The following ROBO2 variants were observed in gnomAD, a reference collection of about 807,000 sequenced individuals.
ROBO2 encodes roundabout homolog 2.
A neutral mutation model predicts 160.8 loss-of-function variants in ROBO2; 53 were observed. The ratio of observed to expected loss-of-function variants is 0.33; its 90% CI spans 0.26 to 0.41. The LOEUF is 0.41. Among genes scored for constraint, ROBO2 ranks in the 10% least tolerant of loss-of-function variants. The probability of loss-of-function intolerance (pLI) is 1.00; values close to 1 mark genes in which losing one functional copy is unlikely to be tolerated. For synonymous variants in ROBO2, 664 were observed against 611.7 expected, an observed-to-expected ratio of 1.09 and a Z score of -1.26; for missense variants, 1,577 against 1,722.4, an observed-to-expected ratio of 0.92 and a Z score of 1.49.
At chr3:77,081,096 T>A (rs1356077826) in intron 1 of ROBO2, among the ~76,000 whole-genome samples, 1 of 152,204 alleles carries the variant, frequency 6.6e-6, no homozygotes, top group African/African-American at 2.4e-5. Flanking sequence ...TGGGCTAGTT[T>A]ATTAGATTAT....
chr3:76,680,802 G>T (rs1295392736), intron 2 of ROBO2, among the ~76,000 whole-genome samples: 1 of 151,826 alleles, frequency 6.6e-6, no homozygotes, highest in South Asian at 2.1e-4. Context: ...TTGAGACAGG[G>T]TCTCACTCTT....
chr3:76,472,212 G>A (rs1220950123), intron 2 of ROBO2, among the ~76,000 whole-genome samples: 2 of 151,882 alleles, frequency 1.3e-5, no homozygotes, highest in Non-Finnish European at 2.9e-5. Context: ...AAATGAAAAT[G>A]ATCATTTCCT....
chr3:76,876,893 G>C (rs2072792388), intron 2 of ROBO2, among the ~76,000 whole-genome samples: 1 of 152,022 alleles, frequency 6.6e-6, no homozygotes, highest in Non-Finnish European at 1.5e-5. Flanking sequence ...CTATTGCTCT[G>C]CCATAATCAA....
chr3:77,555,090 C>T (rs2093062906), intron 8 of ROBO2, among the ~76,000 whole-genome samples: 1 of 151,922 alleles, frequency 6.6e-6, no homozygotes, highest in African/African-American at 2.4e-5. Context: ...CAAGATCCTC[C>T]ATCACCAAAA....
chr3:76,633,368 A>G (rs2090142037), intron 2 of ROBO2, among the ~76,000 whole-genome samples: 1 of 152,204 alleles, frequency 6.6e-6, no homozygotes, highest in Admixed American at 6.5e-5. Context: ...TTGTGAATGT[A>G]TTGTGAGTCA....
intron 2 of ROBO2, among the ~76,000 whole-genome samples, chr3:76,133,822 G>A (rs927824951): frequency 6.6e-6 from 1 of 152,002 alleles, no homozygotes; most frequent in Non-Finnish European, 1.5e-5. Context: ...ATTAGGCGGT[G>A]CCCACCCAGA....
At chr3:77,510,575 A>G (rs1295003241) in intron 5 of ROBO2, among the ~76,000 whole-genome samples, 1 of 152,224 alleles carries the variant, frequency 6.6e-6, no homozygotes, top group East Asian at 1.9e-4. Flanking sequence ...ATGTTAGGTG[A>G]CATTTATTGA....
chr3:76,233,141 T>C lies in ROBO2; in HGVS notation c.109+295539T>C, dbSNP rs1704723298. ...AAGTTTACTGCCAGGTGTTATTCTA[T>C]TTTTTTTTAATTTTATTTTTCAGGT... On this transcript the variant is annotated intron_variant, in intron 2 of 26. Coordinates refer to the ROBO2 transcript ENST00000487694. 1.3e-5 allele frequency among the ~76,000 whole-genome samples: 2 copies of C among 151,292 alleles called. 1 individual carries two copies. Among genetic ancestry groups the C allele is most frequent in the South Asian group, 4.2e-4 (2 of 4,776 alleles).
intron 2 of ROBO2, among the ~76,000 whole-genome samples, chr3:76,379,344 C>A (rs1201340247): frequency 6.6e-6 from 1 of 151,744 alleles, no homozygotes; most frequent in Non-Finnish European, 1.5e-5. Context: ...TTTATTTTTT[C>A]AATAAAAAAT....
chr3:76,511,021 A>G (rs1029723815), intron 2 of ROBO2, among the ~76,000 whole-genome samples: 1 of 152,226 alleles, frequency 6.6e-6, no homozygotes, highest in African/African-American at 2.4e-5. Context: ...GAATCGGCAA[A>G]GTATTGACAA....
In ROBO2 at chr3:76,930,543, T is replaced by A. The variant is rs547500648; in HGVS notation, c.110-167471T>A. The stretch of plus-strand genomic sequence containing the variant: ...CAGTCTGCATTAGGCAGGGTTCTCC[T>A]GCAAAACAGAACCAAGAGTATATAG... On this transcript the variant is annotated intron_variant, in intron 2 of 26. Coordinates refer to the ROBO2 transcript ENST00000487694. 7.2e-5 allele frequency among the ~76,000 whole-genome samples: 11 copies of A among 152,320 alleles called. No homozygotes were observed. The South Asian group carries it at 2.1e-3, about 29-fold the overall frequency.
intron 2 of ROBO2, among the ~76,000 whole-genome samples, chr3:76,540,237 G>T (rs9848633): frequency 0.022 from 3,400 of 152,280 alleles, 127 homozygotes; most frequent in African/African-American, 0.076. Flanking sequence ...GTGACTACAA[G>T]GGATAAATAA....
chr3:76,410,614 A>C (rs2075436552), intron 2 of ROBO2, among the ~76,000 whole-genome samples: 1 of 152,142 alleles, frequency 6.6e-6, no homozygotes. Context: ...TTGCATCAAA[A>C]TACTTTTTAG....
chr3:77,313,548 G>A (rs895894769), intron 2 of ROBO2, among the ~76,000 whole-genome samples: 2 of 151,864 alleles, frequency 1.3e-5, no homozygotes, highest in Admixed American at 6.6e-5. Flanking sequence ...CCAGTCTCTA[G>A]ATCAGTATTT....
At chr3:76,780,195 TTTTG>T (rs1208772426) in intron 2 of ROBO2, among the ~76,000 whole-genome samples, 2 of 150,816 alleles carry the variant, frequency 1.3e-5, no homozygotes, top group Admixed American at 6.6e-5. Context: ...ACAGTTTTTT[TTTTG>T]TTTGTTTGTT....
intron 2 of ROBO2, among the ~76,000 whole-genome samples, chr3:76,936,026 ATTGG>A (rs2149082520): frequency 6.6e-6 from 1 of 152,300 alleles, no homozygotes; most frequent in Admixed American, 6.5e-5. Flanking sequence ...CTCAATTTGA[ATTGG>A]TCTGAAATTC....
At chr3:76,576,224 T>C (rs1331376515) in intron 2 of ROBO2, among the ~76,000 whole-genome samples, 1 of 152,132 alleles carries the variant, frequency 6.6e-6, no homozygotes, top group Non-Finnish European at 1.5e-5. Context: ...CAAACACAAA[T>C]ATAACATGCC....
chr3:75,975,576 TA>T lies in ROBO2; in HGVS notation c.109+37975del, dbSNP rs556759548. Among the ~76,000 whole-genome samples the T allele has an allele frequency of 1.1e-4, 16 of 151,602 alleles. No individual in the cohort carries two copies. The South Asian group carries it at 3.3e-3, about 31-fold the overall frequency. On this transcript the variant is annotated intron_variant, in intron 2 of 26. Coordinates refer to the ROBO2 transcript ENST00000487694. ...TTTTTTCCCATTATTTGGCTATCAC[TA>T]GTTACCAATGTTTATTTTTTCAAGT...
At chr3:76,831,506 GA>G (rs1217986356) in intron 2 of ROBO2, among the ~76,000 whole-genome samples, 2 of 152,024 alleles carry the variant, frequency 1.3e-5, no homozygotes, top group Non-Finnish European at 1.5e-5. Context: ...CTTCTAAAGA[GA>G]AAAAATATGA....
Sources: allele counts gnomAD v4.1 joint callset (sites outside exome capture counted in the v4.1 genomes callset), GRCh38; gene constraint gnomAD v4.1.1; transcripts MANE v1.5; gene names NCBI Gene and HGNC (gene_info 2026-07-23, HGNC 2026-07-21).